Variants in GEMIN7 observed in about 807,000 individuals in gnomAD.
The protein encoded by GEMIN7 is gem nuclear organelle associated protein 7, also known as gem-associated protein 7.
In GEMIN7, 7 loss-of-function variants were observed where a neutral mutation model predicts 7.8. The observed-to-expected ratio is 0.90, with a 90% CI of 0.51 to 1.69. The LOEUF (loss-of-function observed/expected upper bound fraction) is 1.69. GEMIN7 is among the 40% of genes most tolerant of loss of function. The pLI is 0.00. For missense variants in GEMIN7, 159 were observed against 176.2 expected, an observed-to-expected ratio of 0.90 and a Z score of 0.55; for synonymous variants, 68 against 72.4, an observed-to-expected ratio of 0.94 and a Z score of 0.31.
chr19:45,089,996 C>A, intron 2 of GEMIN7, 111 bp from the exon 3 acceptor site: 1 of 1,100,070 alleles, frequency 9.1e-7, no homozygotes, highest in Non-Finnish European at 1.3e-6. Context: ...CAGTCTGGGG[C>A]AGGTGCAGTG....
chr19:45,079,114 T>C (rs1967414800), upstream of GEMIN7: 1 of 152,188 alleles, frequency 6.6e-6, no homozygotes, highest in South Asian at 2.1e-4. Flanking sequence ...GCGGGCCAGG[T>C]GGCGACCCGG....
intron 1 of GEMIN7, 78 bp downstream of exon 1, chr19:45,079,455 A>G (rs1156901596): frequency 6.6e-6 from 1 of 152,244 alleles, no homozygotes; most frequent in Non-Finnish European, 1.5e-5. Context: ...TTTGATCCCG[A>G]TCGCCGGCAG....
chr19:45,088,620 C>G (rs901855343), intron 2 of GEMIN7: 1 of 152,198 alleles, frequency 6.6e-6, no homozygotes, highest in Admixed American at 6.5e-5. Flanking sequence ...AGCCACCATG[C>G]CTATCCCTGT....
upstream of GEMIN7, chr19:45,076,382 G>C: frequency 7.7e-7 from 1 of 1,295,504 alleles, no homozygotes; most frequent in Non-Finnish European, 9.8e-7. This position sits in a 1 kb window ranked among gnomAD's most constrained non-coding sequence, Gnocchi z 4.9. Context: ...ATGAGTCGCG[G>C]GCCGGGCGAG....
chr19:45,078,486 G>C (rs953145183), upstream of GEMIN7, among the ~76,000 whole-genome samples: 2 of 152,122 alleles, frequency 1.3e-5, no homozygotes, highest in African/African-American at 4.8e-5. Context: ...ACCCCCACTA[G>C]AACGTAGGTT....
chr19:45,075,941 A>C, upstream of GEMIN7: 2 of 1,594,616 alleles, frequency 1.3e-6, no homozygotes, highest in South Asian at 2.2e-5. Context: ...GGGGAAACCG[A>C]AGGTCAGAAG....
At chr19:45,085,140 A>G (rs7247311) in intron 2 of GEMIN7, among the ~76,000 whole-genome samples, 84,967 of 151,644 alleles carry the variant, frequency 0.56, 24,531 homozygotes, top group African/African-American at 0.68. Context: ...GGTTGGTCTC[A>G]AACTCCTGAC....
chr19:45,080,762 T>TG (rs1322426792), intron 2 of GEMIN7, among the ~76,000 whole-genome samples: 2 of 145,652 alleles, frequency 1.4e-5, no homozygotes, highest in Admixed American at 6.8e-5. Context: ...TCCCTTGTTT[T>TG]TTGTTTTTTT....
At chr19:45,089,837 A>G (rs2122688100) in intron 2 of GEMIN7, among the ~76,000 whole-genome samples, 1 of 152,342 alleles carries the variant, frequency 6.6e-6, no homozygotes, top group East Asian at 1.9e-4. Flanking sequence ...CTTTTGGCAA[A>G]TATTTATTGC....
upstream of GEMIN7, chr19:45,076,607 A>T: frequency 3.0e-6 from 1 of 334,620 alleles, no homozygotes; most frequent in Non-Finnish European, 5.4e-6. The surrounding 1 kb of genome is among the most constrained non-coding windows in gnomAD (Gnocchi z 4.9). Context: ...CAATCTAGGC[A>T]GTGTCCCGTG....
Position 45,090,174 on chromosome 19 carries a change from C to T in GEMIN7, c.60C>T (p.Gly20=). The change falls in exon 3 of 3, where the codon GGC becomes GGT. Residue 20 remains glycine, a synonymous_variant. Coordinates refer to ENST00000270257, the MANE Select transcript of GEMIN7 (RefSeq NM_024707.3). ...PVLRLPRGPD[G]FSRGFAPDGR... ...TCCGGCTGCCCCGGGGCCCTGATGG[C>T]TTCAGCCGTGGCTTTGCCCCTGATG... The T allele has an allele frequency of 1.9e-6, 3 of 1,614,168 alleles. No individual in the cohort carries two copies. In the South Asian group the frequency reaches 3.3e-5, roughly 18 times the overall value.
At chr19:45,089,789 G>A (rs370050426) in intron 2 of GEMIN7, among the ~76,000 whole-genome samples, 3 of 152,208 alleles carry the variant, frequency 2.0e-5, no homozygotes, top group East Asian at 1.9e-4. Flanking sequence ...AAAGGGCTGG[G>A]ATTACAGGCA....
In GEMIN7 at chr19:45,090,166, C is replaced by T. The variant is rs1967844482; in HGVS notation, c.52C>T (p.Pro18Ser). Reference protein sequence around the residue: ...PVPVLRLPRGPDGFSRGFAPD... With the variant: ...PVPVLRLPRGSDGFSRGFAPD... The stretch of plus-strand genomic sequence containing the variant: ...GCCTGTGCTCCGGCTGCCCCGGGGC[C>T]CTGATGGCTTCAGCCGTGGCTTTGC... The change falls in exon 3 of 3, where the codon CCT becomes TCT. Residue 18 changes from proline (P) to serine (S), a missense_variant. Physicochemically the swap from Pro to Ser is moderately conservative, Grantham distance 74. Coordinates refer to ENST00000270257, the MANE Select transcript of GEMIN7 (RefSeq NM_024707.3). 6.2e-7 allele frequency: 1 copy of T among 1,614,120 alleles called. No homozygotes were observed. Among genetic ancestry groups the T allele is most frequent in the Non-Finnish European group, 8.5e-7 (1 of 1,180,030 alleles).
upstream of GEMIN7, chr19:45,076,128 G>A: frequency 6.4e-7 from 1 of 1,556,524 alleles, no homozygotes; most frequent in South Asian, 1.2e-5. This position sits in a 1 kb window ranked among gnomAD's most constrained non-coding sequence, Gnocchi z 4.9. Context: ...TCCGCGGGCC[G>A]AGGGCGAGGA....
In GEMIN7 at chr19:45,090,435, G is replaced by T; in HGVS notation, c.321G>T (p.Leu107=). 2 of 1,614,088 alleles carry T rather than the reference G, an allele frequency of 1.2e-6. No individual in the cohort carries two copies. The highest frequency in any genetic ancestry group is 4.5e-5 in the East Asian group (2 of 44,884). The change falls in exon 3 of 3, where the codon CTG becomes CTT. Residue 107 remains leucine, a synonymous_variant. Coordinates refer to ENST00000270257, the MANE Select transcript of GEMIN7 (RefSeq NM_024707.3). ...TGGCCAACTTCTACGTGTCACAGCT[G>T]CAGACTCCCATAGGTGTGCAAGCAG... ...LDVANFYVSQ[L]QTPIGVQAEA...
At position 45,090,392 on chromosome 19, in the gene GEMIN7, G is replaced by A; in HGVS notation, c.278G>A (p.Gly93Glu). The change falls in exon 3 of 3, where the codon GGA becomes GAA. Residue 93 changes from glycine to glutamate, a missense_variant. Coordinates refer to ENST00000270257, the MANE Select transcript of GEMIN7 (RefSeq NM_024707.3). ...GGTGTGCGTGTGGCCGCCCACTTTG[G>A]AGCCACCGACCTGGATGTGGCCAAC... ...HEGVRVAAHF[G>E]ATDLDVANFY... 6.2e-7 allele frequency: 1 copy of A among 1,614,162 alleles called. No individual in the cohort carries two copies. The highest frequency in any genetic ancestry group is 8.5e-7 in the Non-Finnish European group (1 of 1,180,042).
chr19:45,080,074 C>G (rs1024350722), intron 2 of GEMIN7, 45 bp downstream of exon 2: 1 of 152,248 alleles, frequency 6.6e-6, no homozygotes, highest in African/African-American at 2.4e-5. Context: ...GTGTTGGGCT[C>G]TTGAATCTAA....
At chr19:45,078,058 C>T (rs578189525), upstream of GEMIN7, among the ~76,000 whole-genome samples, 3 of 150,484 alleles carry the variant, frequency 2.0e-5, no homozygotes, top group South Asian at 2.1e-4. Flanking sequence ...AGTTCCATGG[C>T]AACCCAGCCA....
chr19:45,084,987 G>C (rs1967632269), intron 2 of GEMIN7, among the ~76,000 whole-genome samples: 2 of 152,330 alleles, frequency 1.3e-5, no homozygotes, highest in East Asian at 1.9e-4. Context: ...TGGTCAGGCT[G>C]GTCTCGAACT....
Sources: gnomAD v4.1 joint callset for allele counts (sites outside exome capture counted in the v4.1 genomes callset) on GRCh38, gnomAD v4.1.1 for gene constraint, Gnocchi (gnomAD v3.1) non-coding constraint, MANE v1.5 for transcripts, NCBI Gene and HGNC (gene_info 2026-07-23, HGNC 2026-07-21) for gene names.